Variants in SLC24A4 observed in about 807,000 individuals in gnomAD.
The protein encoded by SLC24A4 is sodium/potassium/calcium exchanger 4.
A neutral mutation model predicts 79.0 loss-of-function variants in SLC24A4; 53 were observed. The observed-to-expected ratio is 0.67, with a 90% CI of 0.54 to 0.84. The LOEUF is 0.84. Among genes scored for constraint, SLC24A4 ranks in the 40% least tolerant of loss-of-function variants. The pLI, the probability that SLC24A4 is intolerant of heterozygous loss-of-function variation, is 0.00. For synonymous variants in SLC24A4, 323 were observed against 323.8 expected, an observed-to-expected ratio of 1.00 and a Z score of 0.03; for missense variants, 731 against 822.0, an observed-to-expected ratio of 0.89 and a Z score of 1.35.
chr14:92,329,320 C>T (rs960730756), intron 2 of SLC24A4, among the ~76,000 whole-genome samples: 8 of 152,196 alleles, frequency 5.3e-5, no homozygotes, highest in Admixed American at 4.6e-4. Flanking sequence ...CTCATCTTTA[C>T]CTGTGAGAGG....
At chr14:92,394,037 G>A (rs1595212017) in intron 2 of SLC24A4, among the ~76,000 whole-genome samples, 2 of 151,176 alleles carry the variant, frequency 1.3e-5, no homozygotes, top group Admixed American at 6.6e-5. Flanking sequence ...ATAGAATGAG[G>A]TTTTGCTATG....
upstream of SLC24A4, among the ~76,000 whole-genome samples, chr14:92,322,960 C>T (rs549586423): frequency 6.6e-6 from 1 of 152,232 alleles, no homozygotes; most frequent in South Asian, 2.1e-4. Flanking sequence ...CTCGTTGCAG[C>T]TCCATATGGA....
Position 92,449,813 on chromosome 14 carries a change from G to C in SLC24A4, c.880+597G>C, listed in dbSNP as rs1045674821. Among the ~76,000 whole-genome samples the C allele has an allele frequency of 3.3e-5, 5 of 152,336 alleles. No homozygotes were observed. In the South Asian group the frequency reaches 8.3e-4, roughly 25 times the overall value. Reference sequence around the variant, plus strand: ...CCCCTTCCCCTGGGGCAGCAGCCTCGTCTCCCCAGCGGCTCTTTGGCCCCC... The same window carrying C: ...CCCCTTCCCCTGGGGCAGCAGCCTCCTCTCCCCAGCGGCTCTTTGGCCCCC... On this transcript the variant is annotated intron_variant, in intron 10 of 16. Coordinates refer to ENST00000532405, the MANE Select transcript of SLC24A4 (RefSeq NM_153646.4).
intron 11 of SLC24A4, among the ~76,000 whole-genome samples, chr14:92,455,227 G>A (rs908399259): frequency 1.3e-5 from 2 of 152,118 alleles, no homozygotes; most frequent in African/African-American, 2.4e-5. Flanking sequence ...TTAATGTGAG[G>A]GTATTGAACA....
chr14:92,458,437 C>G (rs1208917146), intron 12 of SLC24A4, among the ~76,000 whole-genome samples: 3 of 152,188 alleles, frequency 2.0e-5, no homozygotes, highest in Non-Finnish European at 4.4e-5. Context: ...GGAACAGGGG[C>G]CCTGCTCAGC....
At chr14:92,460,022 G>A (rs1016627331) in intron 12 of SLC24A4, among the ~76,000 whole-genome samples, 1 of 152,152 alleles carries the variant, frequency 6.6e-6, no homozygotes, top group African/African-American at 2.4e-5. Context: ...ACCAGGGGAG[G>A]AATCACAGGG....
chr14:92,446,826 G>A (rs763708567), intron 8 of SLC24A4, among the ~76,000 whole-genome samples: 6 of 152,204 alleles, frequency 3.9e-5, no homozygotes, highest in African/African-American at 7.2e-5. Flanking sequence ...TGCACCAGAG[G>A]GTAGTAATGG....
intron 2 of SLC24A4, among the ~76,000 whole-genome samples, chr14:92,403,951 A>G (rs940986802): frequency 3.3e-5 from 5 of 151,610 alleles, no homozygotes; most frequent in African/African-American, 1.2e-4. Context: ...GGATGGGGCT[A>G]GTTTATACTC....
chr14:92,454,856 C>T (rs1297149793), intron 11 of SLC24A4, among the ~76,000 whole-genome samples: 6 of 152,086 alleles, frequency 3.9e-5, no homozygotes, highest in African/African-American at 7.2e-5. Context: ...TGAATCATTT[C>T]GGTCCAATTC....
At chr14:92,372,884 C>CCTTT (rs1235143680) in intron 2 of SLC24A4, among the ~76,000 whole-genome samples, 1 of 105,856 alleles carries the variant, frequency 9.4e-6, no homozygotes, top group African/African-American at 3.5e-5. Context: ...TTCCTTCCTT[C>CCTTT]CTTCCTTCCT....
At chr14:92,384,761 G>T (rs1019718051) in intron 2 of SLC24A4, among the ~76,000 whole-genome samples, 3 of 152,222 alleles carry the variant, frequency 2.0e-5, no homozygotes, top group African/African-American at 7.2e-5. Context: ...AGGATGCAAA[G>T]AAAGGAGGGA....
chr14:92,398,637 C>T lies in SLC24A4; in HGVS notation c.242-35275C>T, dbSNP rs1889915927. On this transcript the variant is annotated intron_variant, in intron 2 of 16. Transcript: ENST00000532405. This position sits in a 1 kb window ranked among gnomAD's most constrained non-coding sequence, Gnocchi z 4.1. Reference sequence around the variant, plus strand: ...GGGACAGGCTCCTTCACATCTGTCCCACCTGGCATGGCTCAGAACATACCC... The same window carrying T: ...GGGACAGGCTCCTTCACATCTGTCCTACCTGGCATGGCTCAGAACATACCC... Among the ~76,000 whole-genome samples the T allele has an allele frequency of 2.0e-5, 3 of 152,210 alleles. No homozygotes were observed. The highest frequency in any genetic ancestry group is 2.1e-4 in the South Asian group (1 of 4,832).
At chr14:92,391,866 C>T (rs765582755) in intron 2 of SLC24A4, among the ~76,000 whole-genome samples, 4 of 152,216 alleles carry the variant, frequency 2.6e-5, no homozygotes, top group Non-Finnish European at 4.4e-5. Context: ...CACCAGCTGC[C>T]GGCCATGTGA....
intron 3 of SLC24A4, among the ~76,000 whole-genome samples, chr14:92,436,932 A>G (rs1220171091): frequency 6.6e-6 from 1 of 152,172 alleles, no homozygotes; most frequent in Non-Finnish European, 1.5e-5. Flanking sequence ...TCTCTTCCCC[A>G]AAATGTTGAC....
chr14:92,380,486 G>A (rs1041501075), intron 2 of SLC24A4, among the ~76,000 whole-genome samples: 7 of 152,218 alleles, frequency 4.6e-5, no homozygotes, highest in African/African-American at 7.2e-5. Flanking sequence ...CATCTAGTGA[G>A]AATCTGTGAT....
chr14:92,372,540 G>A (rs1346722854), intron 2 of SLC24A4, among the ~76,000 whole-genome samples: 1 of 152,182 alleles, frequency 6.6e-6, no homozygotes, highest in African/African-American at 2.4e-5. Flanking sequence ...TATCCTGTAT[G>A]TACTGGTGTG....
At chr14:92,333,653 G>A (rs1369021915) in intron 2 of SLC24A4, among the ~76,000 whole-genome samples, 1 of 152,208 alleles carries the variant, frequency 6.6e-6, no homozygotes, top group Non-Finnish European at 1.5e-5. Flanking sequence ...GCTGATGCAG[G>A]CTGCTAAGGA....
intron 12 of SLC24A4, among the ~76,000 whole-genome samples, chr14:92,469,506 T>TC (rs1555373852): frequency 1.3e-5 from 1 of 74,330 alleles, no homozygotes; most frequent in Non-Finnish European, 3.6e-5. Flanking sequence ...AGACTCCATC[T>TC]CAAAAAAAAA....
chr14:92,427,754 G>A (rs1159962375), intron 2 of SLC24A4, among the ~76,000 whole-genome samples: 2 of 152,232 alleles, frequency 1.3e-5, no homozygotes, highest in African/African-American at 2.4e-5. Flanking sequence ...TACAGGGAAG[G>A]CCGAAGGAGC....
Sources: allele counts gnomAD v4.1 joint callset (sites outside exome capture counted in the v4.1 genomes callset), GRCh38; gene constraint gnomAD v4.1.1; non-coding constraint Gnocchi (gnomAD v3.1); transcripts MANE v1.5; gene names NCBI Gene and HGNC (gene_info 2026-07-23, HGNC 2026-07-21).